APBB1IP: variants seen among roughly 807,000 people sequenced by gnomAD.
APBB1IP encodes the protein amyloid beta A4 precursor protein-binding family B member 1-interacting protein.
In APBB1IP, 27 loss-of-function variants were observed where a neutral mutation model predicts 64.9. The ratio of observed to expected loss-of-function variants is 0.42; its 90% CI spans 0.31 to 0.57. The LOEUF (loss-of-function observed/expected upper bound fraction) is 0.57, where lower values mean the gene tolerates loss of function less well. APBB1IP is among the 20% of genes least tolerant of loss of function. The probability of loss-of-function intolerance (pLI) is 0.20; values close to 1 mark genes in which losing one functional copy is unlikely to be tolerated. For missense variants in APBB1IP, 812 were observed against 845.5 expected (o/e 0.96, Z 0.49); for synonymous variants, 392 against 331.0 (o/e 1.18, Z -2.00).
chr10:26,504,437 C>T (rs1286150474), intron 6 of APBB1IP, among the ~76,000 whole-genome samples: 1 of 152,136 alleles, frequency 6.6e-6, no homozygotes, highest in Non-Finnish European at 1.5e-5. Flanking sequence ...AGGCTGGGCG[C>T]GGTGGCTCAT....
rs181027869 is a variant in APBB1IP, at chr10:26,556,094, G to A, written c.1156-4011G>A. ...CTTTAAGCAGTGACAGTCCACAATC[G>A]CCCTGACCTCTGTGTGCTGTTCTCA... On this transcript the variant is annotated intron_variant, in intron 11 of 14. Coordinates refer to ENST00000376236, the MANE Select transcript of APBB1IP (RefSeq NM_019043.4). Among the ~76,000 whole-genome samples the A allele has an allele frequency of 2.5e-3, 385 of 152,258 alleles. 2 individuals carry two copies. The highest frequency in any genetic ancestry group is 4.8e-3 in the Non-Finnish European group (326 of 68,022).
chr10:26,477,511 C>T (rs1324950862), intron 2 of APBB1IP, among the ~76,000 whole-genome samples: 1 of 152,124 alleles, frequency 6.6e-6, no homozygotes, highest in Non-Finnish European at 1.5e-5. Flanking sequence ...TTTATTCATT[C>T]ATTGTTTATT....
chr10:26,455,410 C>G (rs1429147520), intron 2 of APBB1IP, among the ~76,000 whole-genome samples: 1 of 151,942 alleles, frequency 6.6e-6, no homozygotes, highest in Non-Finnish European at 1.5e-5. Context: ...CGCTTGTAAT[C>G]CCAGCTACTT....
chr10:26,488,959 C>T (rs146175765), intron 2 of APBB1IP, among the ~76,000 whole-genome samples: 1 of 152,336 alleles, frequency 6.6e-6, no homozygotes, highest in East Asian at 1.9e-4. Context: ...TGGGATGCGT[C>T]TGCCACTAAG....
At chr10:26,506,392 A>G (rs1836179631) in intron 6 of APBB1IP, among the ~76,000 whole-genome samples, 1 of 152,008 alleles carries the variant, frequency 6.6e-6, no homozygotes, top group Non-Finnish European at 1.5e-5. Context: ...GACTACAGGT[A>G]TGCACCACCA....
chr10:26,514,837 C>T (rs1836303974), intron 8 of APBB1IP, among the ~76,000 whole-genome samples: 1 of 151,902 alleles, frequency 6.6e-6, no homozygotes, highest in South Asian at 2.1e-4. Flanking sequence ...AGTTTTTCGC[C>T]CCTAACTACC....
At chr10:26,504,158 G>C (rs1836140397) in intron 6 of APBB1IP, among the ~76,000 whole-genome samples, 1 of 152,124 alleles carries the variant, frequency 6.6e-6, no homozygotes, top group South Asian at 2.1e-4. Flanking sequence ...CTATGCCCTG[G>C]GGCAGCCGTC....
chr10:26,533,982 G>C (rs1357668765), intron 9 of APBB1IP, among the ~76,000 whole-genome samples: 3 of 151,752 alleles, frequency 2.0e-5, no homozygotes, highest in African/African-American at 7.3e-5. Flanking sequence ...CCGCCCCCCC[G>C]AGAACCTGAC....
chr10:26,507,862 A>G (rs1455804505), intron 6 of APBB1IP, among the ~76,000 whole-genome samples: 1 of 152,218 alleles, frequency 6.6e-6, no homozygotes, highest in Admixed American at 6.5e-5. Flanking sequence ...GGAGACTAAG[A>G]GAACAGGAGG....
At chr10:26,526,458 C>T (rs979429910) in intron 8 of APBB1IP, among the ~76,000 whole-genome samples, 36 of 152,164 alleles carry the variant, frequency 2.4e-4, no homozygotes, top group African/African-American at 7.0e-4. Context: ...TGGTGGCTCA[C>T]GCCTGTAATC....
chr10:26,501,211 A>G (rs1836095445), intron 5 of APBB1IP, 100 bp downstream of exon 5: 2 of 1,523,112 alleles, frequency 1.3e-6, no homozygotes, highest in Middle Eastern at 3.5e-4. Flanking sequence ...GGTACATCCA[A>G]AGATCTGAGA....
chr10:26,504,476 G>A (rs984649828), intron 6 of APBB1IP, among the ~76,000 whole-genome samples: 1 of 152,190 alleles, frequency 6.6e-6, no homozygotes, highest in Non-Finnish European at 1.5e-5. Flanking sequence ...TTGGGAGGCT[G>A]AGGCGGGCGG....
intron 2 of APBB1IP, among the ~76,000 whole-genome samples, chr10:26,450,935 A>T (rs1835458600): frequency 6.6e-6 from 1 of 152,080 alleles, no homozygotes; most frequent in Non-Finnish European, 1.5e-5. Context: ...ACCTCAGGAG[A>T]TCCACCCGCC....
chr10:26,484,549 C>T (rs702990), intron 2 of APBB1IP, among the ~76,000 whole-genome samples: 9,142 of 152,230 alleles, frequency 0.06, 899 homozygotes, highest in African/African-American at 0.21. Flanking sequence ...AGGTGATCCA[C>T]CTGCCTCGGC....
chr10:26,567,553 C>T lies in APBB1IP; in HGVS notation c.*65C>T, dbSNP rs1203922829. The T allele has an allele frequency of 6.7e-7, 1 of 1,498,486 alleles. No individual in the cohort carries two copies. The highest frequency in any genetic ancestry group is 9.0e-7 in the Non-Finnish European group (1 of 1,106,386). 92.8% of individuals were successfully genotyped at this position (1,498,486 alleles called of 1,614,324 possible). A position where few individuals can be genotyped will look rare whatever the true frequency, so the allele number is the denominator to read the frequency against. On this transcript the variant is annotated 3_prime_UTR_variant, in exon 15 of 15. Transcript: ENST00000376236. Reference sequence around the variant, plus strand: ...TGACCCCGAGCGCAGGTTTTGCTAGCAGATTGCCCTGACATCTTGTTCATT... The same window carrying T: ...TGACCCCGAGCGCAGGTTTTGCTAGTAGATTGCCCTGACATCTTGTTCATT...
Position 26,540,502 on chromosome 10 carries a change from TTA to T in APBB1IP, c.1045-1066_1045-1065del, listed in dbSNP as rs568582201. ...TGGAGGAAGATGTGCATTTTATTAT[TTA>T]TATATATATATATTTTAAATGTGAC... On this transcript the variant is annotated intron_variant, in intron 10 of 14. Transcript: ENST00000376236. Among the ~76,000 whole-genome samples, 41 of 151,042 alleles carry T rather than the reference TTA, an allele frequency of 2.7e-4. No homozygotes were observed. In the South Asian group the frequency reaches 4.0e-3, roughly 15 times the overall value.
Position 26,530,835 on chromosome 10 carries a change from G to T in APBB1IP, c.814-2604G>T, listed in dbSNP as rs542084044. ...GTTCTTGTGAGGATGAAATAAAATC[G>T]TATCTGTAAAGCCTTAGCATAGGTT... On this transcript the variant is annotated intron_variant, in intron 8 of 14. Coordinates refer to ENST00000376236, the MANE Select transcript of APBB1IP (RefSeq NM_019043.4). 2.0e-5 allele frequency among the ~76,000 whole-genome samples: 3 copies of T among 152,074 alleles called. No individual in the cohort carries two copies. In the South Asian group the frequency reaches 6.2e-4, roughly 31 times the overall value.
chr10:26,460,288 A>G (rs1286021614), intron 2 of APBB1IP, among the ~76,000 whole-genome samples: 1 of 152,194 alleles, frequency 6.6e-6, no homozygotes, highest in Admixed American at 6.6e-5. Context: ...TTCCCTAAGA[A>G]TTTTTAGAGT....
chr10:26,456,569 G>T (rs1200985747), intron 2 of APBB1IP, among the ~76,000 whole-genome samples: 1 of 151,954 alleles, frequency 6.6e-6, no homozygotes, highest in Non-Finnish European at 1.5e-5. Context: ...AAACTCTGGT[G>T]GCATTATAGA....
Sources: gnomAD v4.1 joint callset for allele counts (sites outside exome capture counted in the v4.1 genomes callset) on GRCh38, gnomAD v4.1.1 for gene constraint, MANE v1.5 for transcripts, NCBI Gene and HGNC (gene_info 2026-07-23, HGNC 2026-07-21) for gene names.